The following ATXN1 variants were observed in gnomAD, a reference collection of about 807,000 sequenced individuals.
The protein encoded by ATXN1 is ataxin 1, also known as ataxin-1.
ATXN1 carries 8 observed loss-of-function variants against 56.4 expected under a neutral mutation model. The observed-to-expected ratio is 0.14, with a 90% CI of 0.08 to 0.26. The LOEUF is 0.26. Among genes scored for constraint, ATXN1 ranks in the 10% least tolerant of loss-of-function variants. The pLI is 1.00. For missense variants in ATXN1, 987 were observed against 1,106.5 expected (o/e 0.89, Z 1.53); for synonymous variants, 514 against 494.6 (o/e 1.04, Z -0.52).
At chr6:16,487,121 T>C (rs539972064) in intron 5 of ATXN1, among the ~76,000 whole-genome samples, 48 of 152,318 alleles carry the variant, frequency 3.2e-4, no homozygotes, top group Non-Finnish European at 5.9e-4. Flanking sequence ...CTTGTATACT[T>C]TTGAGAAGCA....
chr6:16,322,367 C>T (rs1334405105), intron 7 of ATXN1, among the ~76,000 whole-genome samples: 1 of 152,160 alleles, frequency 6.6e-6, no homozygotes, highest in Non-Finnish European at 1.5e-5. Context: ...GGTCTGTCAC[C>T]ACCATACTAT....
rs952595592 is a variant in ATXN1, at chr6:16,306,024, T to A, written c.*305A>T. 3 of 258,098 alleles carry A rather than the reference T, an allele frequency of 1.2e-5. No individual in the cohort carries two copies. Among genetic ancestry groups the A allele is most frequent in the Non-Finnish European group, 2.3e-5 (3 of 132,324 alleles). 16.0% of individuals were successfully genotyped at this position (258,098 alleles called of 1,614,324 possible). ...ACTAGCGGGAGTCAGCGCCCCCGGC[T>A]GCTTCTGTGCCGCTAGAGAAGGCAG... On this transcript the variant is annotated 3_prime_UTR_variant, in exon 8 of 8. Coordinates refer to ENST00000436367, the MANE Select transcript of ATXN1 (RefSeq NM_001128164.2). This position sits in a 1 kb window ranked among gnomAD's most constrained non-coding sequence, Gnocchi z 5.2.
At chr6:16,595,307 C>A (rs1015795845) in intron 3 of ATXN1, among the ~76,000 whole-genome samples, 1 of 152,210 alleles carries the variant, frequency 6.6e-6, no homozygotes, top group Non-Finnish European at 1.5e-5. Context: ...AGAATAAGGT[C>A]AGAGCCTAAG....
chr6:16,343,954 C>T (rs776020418), intron 6 of ATXN1, among the ~76,000 whole-genome samples: 5 of 152,176 alleles, frequency 3.3e-5, no homozygotes, highest in Non-Finnish European at 5.9e-5. Context: ...ACCGCTCCTC[C>T]GCAAGGCACT....
chr6:16,441,144 G>A (rs957115268), intron 6 of ATXN1, among the ~76,000 whole-genome samples: 1 of 152,098 alleles, frequency 6.6e-6, no homozygotes, highest in Non-Finnish European at 1.5e-5. Context: ...TAGGTGTTAC[G>A]GAGCCAGGGC....
intron 3 of ATXN1, among the ~76,000 whole-genome samples, chr6:16,623,810 G>A (rs1213828941): frequency 1.3e-5 from 2 of 152,234 alleles, no homozygotes; most frequent in Non-Finnish European, 2.9e-5. Context: ...CATATCCGAT[G>A]TGAATAGACT....
intron 3 of ATXN1, among the ~76,000 whole-genome samples, chr6:16,620,281 A>C (rs990704159): frequency 1.7e-4 from 25 of 151,148 alleles, no homozygotes; most frequent in African/African-American, 6.1e-4. Flanking sequence ...ACACACACAC[A>C]CACACACACA....
At chr6:16,529,204 T>G (rs1323975294) in intron 4 of ATXN1, among the ~76,000 whole-genome samples, 1 of 146,350 alleles carries the variant, frequency 6.8e-6, no homozygotes, top group Non-Finnish European at 1.5e-5. Flanking sequence ...TGTCAGGGTT[T>G]TTTGTTTTTT....
chr6:16,631,187 T>C (rs7745276), intron 3 of ATXN1, among the ~76,000 whole-genome samples: 16,630 of 152,198 alleles, frequency 0.11, 1,751 homozygotes, highest in African/African-American at 0.27. Context: ...CCCAGGGTCT[T>C]AAAGACGATA....
At chr6:16,358,740 G>C (rs1761744681) in intron 6 of ATXN1, among the ~76,000 whole-genome samples, 1 of 152,190 alleles carries the variant, frequency 6.6e-6, no homozygotes, top group African/African-American at 2.4e-5. Flanking sequence ...GAGCAAGCAG[G>C]AGCCCCGCCC....
At position 16,327,923 on chromosome 6, in the gene ATXN1, T is replaced by G. The variant is rs147449173; in HGVS notation, c.388A>C (p.Ile130Leu). ...YAHLPHTFQF[I>L]GSSQYSGTYA... ...GTTCCACTGTATTGGGAGGACCCAA[T>G]GAACTGGAAGGTGTGCGGCAGGTGA... is the stretch of plus-strand genomic sequence containing the variant. Residue 130 changes from isoleucine to leucine, a missense_variant, in exon 7 of 8, where the codon ATT becomes CTT. Coordinates refer to ENST00000436367, the MANE Select transcript of ATXN1 (RefSeq NM_001128164.2). 8.3e-5 allele frequency: 134 copies of G among 1,610,726 alleles called. No homozygotes were observed. The highest frequency in any genetic ancestry group is 1.1e-4 in the Non-Finnish European group (131 of 1,179,924).
At chr6:16,659,941 G>GA (rs200399288) in intron 2 of ATXN1, among the ~76,000 whole-genome samples, 2,155 of 147,826 alleles carry the variant, frequency 0.015, 33 homozygotes, top group Middle Eastern at 0.028. Flanking sequence ...TATTCATACA[G>GA]AAAAAAAAAA....
intron 3 of ATXN1, among the ~76,000 whole-genome samples, chr6:16,624,355 A>G (rs187248703): frequency 3.2e-3 from 86 of 26,752 alleles, no homozygotes; most frequent in Non-Finnish European, 2.9e-3. Context: ...TTGTCTCAAG[A>G]AAAAAAAAAA....
intron 6 of ATXN1, among the ~76,000 whole-genome samples, chr6:16,479,076 C>T (rs1256205773): frequency 6.6e-6 from 1 of 152,076 alleles, no homozygotes; most frequent in Non-Finnish European, 1.5e-5. Context: ...GTCCAAAGAG[C>T]ATGATGATAA....
chr6:16,493,720 G>A (rs1287732762), intron 5 of ATXN1, among the ~76,000 whole-genome samples: 2 of 152,102 alleles, frequency 1.3e-5, no homozygotes, highest in Non-Finnish European at 2.9e-5. Context: ...ACTTGAAGAC[G>A]TTATATGTCT....
At chr6:16,399,911 T>G (rs894462166) in intron 6 of ATXN1, among the ~76,000 whole-genome samples, 4 of 152,180 alleles carry the variant, frequency 2.6e-5, no homozygotes, top group Admixed American at 2.6e-4. Context: ...ACCTTCTAAC[T>G]GTTGCCTGGG....
chr6:16,742,556 T>C, intron 2 of ATXN1, among the ~76,000 whole-genome samples: 1 of 152,178 alleles, frequency 6.6e-6, no homozygotes, highest in East Asian at 1.9e-4. Context: ...TTTCCATACC[T>C]GTCAGAATCT....
intron 3 of ATXN1, among the ~76,000 whole-genome samples, chr6:16,639,390 C>A (rs565217875): frequency 6.6e-6 from 1 of 152,108 alleles, no homozygotes; most frequent in Non-Finnish European, 1.5e-5. Flanking sequence ...ACAGGCTCAC[C>A]GCAACCTCCA....
At chr6:16,663,271 A>AT (rs1392054601) in intron 2 of ATXN1, among the ~76,000 whole-genome samples, 5 of 151,462 alleles carry the variant, frequency 3.3e-5, no homozygotes, top group East Asian at 1.9e-4. Context: ...GCCCGGCTGG[A>AT]TTTTTTTTTA....
Sources: allele counts gnomAD v4.1 joint callset (sites outside exome capture counted in the v4.1 genomes callset), GRCh38; gene constraint gnomAD v4.1.1; non-coding constraint Gnocchi (gnomAD v3.1); transcripts MANE v1.5; gene names NCBI Gene and HGNC (gene_info 2026-07-23, HGNC 2026-07-21).